USH2A: variants seen among roughly 807,000 people sequenced by gnomAD.
USH2A encodes the protein Usher syndrome 2A (autosomal recessive, mild).
In USH2A, 443 loss-of-function variants were observed where a neutral mutation model predicts 538.9. That is an observed-to-expected ratio of 0.82 (90% CI 0.76 to 0.89). The LOEUF (loss-of-function observed/expected upper bound fraction) is 0.89, where lower values mean the gene tolerates loss of function less well. Ranked by LOEUF, USH2A falls within the 40% of genes least tolerant of loss-of-function variation. The pLI is 0.00. For missense variants in USH2A, 6,633 were observed against 6,324.8 expected, an observed-to-expected ratio of 1.05 and a Z score of -1.65; for synonymous variants, 2,413 against 2,273.5, an observed-to-expected ratio of 1.06 and a Z score of -1.75.
chr1:215,783,599 T>G (rs1031843291), intron 52 of USH2A, among the ~76,000 whole-genome samples: 1 of 152,214 alleles, frequency 6.6e-6, no homozygotes, highest in Non-Finnish European at 1.5e-5. Context: ...TGAACACTCA[T>G]GTGATTCAGT....
Position 215,788,242 on chromosome 1 carries a change from C to G in USH2A, c.10183-1368G>C, listed in dbSNP as rs998811627. On this transcript the variant is annotated intron_variant, in intron 51 of 71. Transcript: ENST00000307340. Reference sequence around the variant, plus strand: ...GACAATGCAATGTGCTCAGTGATGTCCATGTTTCCCTTTTCTCTCTGGGAA... The same window carrying G: ...GACAATGCAATGTGCTCAGTGATGTGCATGTTTCCCTTTTCTCTCTGGGAA... 4.6e-5 allele frequency among the ~76,000 whole-genome samples: 7 copies of G among 152,184 alleles called. No homozygotes were observed. In the East Asian group the frequency reaches 5.8e-4, roughly 13 times the overall value.
chr1:216,377,715 G>GA, intron 3 of USH2A, among the ~76,000 whole-genome samples: 1 of 147,946 alleles, frequency 6.8e-6, no homozygotes, highest in African/African-American at 2.5e-5. Flanking sequence ...GAGCAGGGGA[G>GA]GGGGGAAGAG....
At chr1:215,836,233 C>G (rs1180778967) in intron 47 of USH2A, among the ~76,000 whole-genome samples, 2 of 151,218 alleles carry the variant, frequency 1.3e-5, no homozygotes, top group African/African-American at 4.9e-5. Flanking sequence ...AGACTGAAGT[C>G]AAAGGTCACA....
chr1:216,364,420 T>C (rs2038553999), intron 4 of USH2A, among the ~76,000 whole-genome samples: 1 of 152,202 alleles, frequency 6.6e-6, no homozygotes, highest in Non-Finnish European at 1.5e-5. Context: ...TAGTAAGTTA[T>C]ATAGTAGATC....
chr1:216,193,757 G>A (rs1356222823), intron 19 of USH2A, among the ~76,000 whole-genome samples: 1 of 152,080 alleles, frequency 6.6e-6, no homozygotes, highest in African/African-American at 2.4e-5. Flanking sequence ...CCACAGGTAG[G>A]TAGAAGAGAA....
chr1:216,193,941 A>G (rs570402977), intron 19 of USH2A: 1 of 152,310 alleles, frequency 6.6e-6, no homozygotes, highest in East Asian at 1.9e-4. Context: ...GGGTCATTTC[A>G]GCTCCAGAAC....
intron 21 of USH2A, among the ~76,000 whole-genome samples, chr1:216,148,059 C>G (rs971162122): frequency 6.0e-5 from 9 of 151,240 alleles, no homozygotes; most frequent in Non-Finnish European, 7.4e-5. Context: ...TAGACCATCA[C>G]GGACGCCGAG....
At chr1:216,060,110 G>T (rs577575140) in intron 30 of USH2A, among the ~76,000 whole-genome samples, 1 of 152,194 alleles carries the variant, frequency 6.6e-6, no homozygotes, top group East Asian at 1.9e-4. Flanking sequence ...AAGCCTAGCA[G>T]GTGAAAGTAT....
Position 215,900,916 on chromosome 1 carries a change from A to G in USH2A, c.7301-11T>C. On this transcript the variant is annotated splice_polypyrimidine_tract_variant and intron_variant, in intron 38 of 71. Coordinates refer to ENST00000307340, the MANE Select transcript of USH2A (RefSeq NM_206933.4). Reference sequence around the variant, plus strand: ...GCACGCCATCTGGAGCTGTCGAAAAACACAGATGAATTAGAGCAGAGAAAA... The same window carrying G: ...GCACGCCATCTGGAGCTGTCGAAAAGCACAGATGAATTAGAGCAGAGAAAA... The G allele has an allele frequency of 1.9e-6, 3 of 1,613,154 alleles. No homozygotes were observed. Among genetic ancestry groups the G allele is most frequent in the South Asian group, 2.2e-5 (2 of 91,064 alleles).
chr1:215,924,604 A>G (rs1666188697), intron 38 of USH2A, among the ~76,000 whole-genome samples: 1 of 43,748 alleles, frequency 2.3e-5, no homozygotes, highest in Non-Finnish European at 4.9e-5. Context: ...TCAGACAGAC[A>G]TGATTTTTTT....
chr1:216,286,168 T>C lies in USH2A; in HGVS notation c.1971+3112A>G, dbSNP rs144466033. Among the ~76,000 whole-genome samples the C allele has an allele frequency of 4.9e-3, 752 of 152,230 alleles. 7 individuals carry two copies. Among genetic ancestry groups the C allele is most frequent in the African/African-American group, 0.018 (733 of 41,532 alleles). On this transcript the variant is annotated intron_variant, in intron 11 of 71. Transcript: ENST00000307340. The stretch of plus-strand genomic sequence containing the variant: ...TGGCTGTGTCCCAACCCAAATCTCA[T>C]CTTGAATTGTAGTTCCCATAATCCC...
intron 29 of USH2A, among the ~76,000 whole-genome samples, chr1:216,070,819 T>C (rs1384208737): frequency 2.0e-5 from 3 of 147,290 alleles, no homozygotes; most frequent in African/African-American, 7.6e-5. Context: ...TTCTACCAGA[T>C]ATGATATATG....
chr1:216,394,948 G>T (rs1313696137), intron 3 of USH2A, among the ~76,000 whole-genome samples: 2 of 152,022 alleles, frequency 1.3e-5, no homozygotes, highest in East Asian at 3.9e-4. Flanking sequence ...TCGCTCTCCT[G>T]ACCTTGTGAT....
At chr1:216,127,392 A>G (rs1200955251) in intron 21 of USH2A, among the ~76,000 whole-genome samples, 2 of 152,104 alleles carry the variant, frequency 1.3e-5, no homozygotes, top group Non-Finnish European at 2.9e-5. Flanking sequence ...TCTGAAAGTG[A>G]GTTTGAAAGT....
At chr1:216,251,236 C>T in intron 11 of USH2A, 138 bp from the exon 12 acceptor site, 1 of 839,648 alleles carries the variant, frequency 1.2e-6, no homozygotes, top group Non-Finnish European at 1.9e-6. Flanking sequence ...TATTTTTCCT[C>T]TTGACACACA....
rs188534974 is a variant in USH2A, at chr1:216,193,230, A to T, written c.4252-2863T>A. ...ATACAACATGGCAAAGACCACATGA[A>T]AGTTACAACTAACTTTACCTTAAAT... On this transcript the variant is annotated intron_variant, in intron 19 of 71. Transcript: ENST00000307340. Among the ~76,000 whole-genome samples, 56 of 152,298 alleles carry T rather than the reference A, an allele frequency of 3.7e-4. 1 individual carries two copies. Among genetic ancestry groups the T allele is most frequent in the South Asian group, 1.9e-3 (9 of 4,834 alleles).
chr1:215,670,660 C>T (rs1486390957), intron 64 of USH2A, among the ~76,000 whole-genome samples: 1 of 152,086 alleles, frequency 6.6e-6, no homozygotes, highest in Non-Finnish European at 1.5e-5. Flanking sequence ...TAAGGAGTGT[C>T]TCCTACCAAG....
At chr1:216,019,247 CTG>C (rs879561055) in intron 32 of USH2A, among the ~76,000 whole-genome samples, 7 of 152,144 alleles carry the variant, frequency 4.6e-5, no homozygotes, top group African/African-American at 1.4e-4. Flanking sequence ...GGCAAAAAGA[CTG>C]TAGCAAAATG....
chr1:215,898,760 T>C (rs1665412138), intron 40 of USH2A, among the ~76,000 whole-genome samples: 2 of 152,352 alleles, frequency 1.3e-5, no homozygotes, highest in Non-Finnish European at 2.9e-5. Context: ...TTCAAAAATC[T>C]ATTTTGAGTG....
Sources: allele counts gnomAD v4.1 joint callset (sites outside exome capture counted in the v4.1 genomes callset), GRCh38; gene constraint gnomAD v4.1.1; transcripts MANE v1.5; gene names NCBI Gene and HGNC (gene_info 2026-07-23, HGNC 2026-07-21).